TRIM33: variants seen among roughly 807,000 people sequenced by gnomAD.
TRIM33 encodes the protein E3 ubiquitin-protein ligase TRIM33.
Under a neutral mutation model 125.4 loss-of-function variants are expected in TRIM33, and 20 were observed. The observed-to-expected ratio is 0.16, with a 90% confidence interval of 0.11 to 0.23. The LOEUF (loss-of-function observed/expected upper bound fraction) is 0.23, where lower values mean the gene tolerates loss of function less well. Ranked by LOEUF, TRIM33 falls within the 10% of genes least tolerant of loss-of-function variation. The probability of loss-of-function intolerance (pLI) is 1.00; values close to 1 mark genes in which losing one functional copy is unlikely to be tolerated. For missense variants in TRIM33, 920 were observed against 1,411.4 expected, an observed-to-expected ratio of 0.65 and a Z score of 5.58; for synonymous variants, 564 against 513.9, an observed-to-expected ratio of 1.10 and a Z score of -1.32.
chr1:114,430,338 G>T (rs1055745190), intron 6 of TRIM33, among the ~76,000 whole-genome samples: 1 of 151,946 alleles, frequency 6.6e-6, no homozygotes, highest in Non-Finnish European at 1.5e-5. Flanking sequence ...TTGACCTCCC[G>T]GGCTCAGTCG....
intron 6 of TRIM33, 68 bp from the exon 7 acceptor site, chr1:114,427,962 C>A: frequency 6.6e-7 from 1 of 1,512,078 alleles, no homozygotes; most frequent in South Asian, 1.2e-5. Context: ...ATTTCTAATG[C>A]AAATGGGCAC....
intron 1 of TRIM33, among the ~76,000 whole-genome samples, chr1:114,481,078 A>T (rs557638418): frequency 3.3e-5 from 5 of 152,194 alleles, no homozygotes; most frequent in Admixed American, 6.5e-5. Flanking sequence ...AGGCTGAGAC[A>T]GGAGAATAGC....
At chr1:114,479,663 G>T (rs994615801) in intron 1 of TRIM33, among the ~76,000 whole-genome samples, 2 of 152,186 alleles carry the variant, frequency 1.3e-5, no homozygotes, top group Admixed American at 1.3e-4. Flanking sequence ...CTATATAAAT[G>T]TAACAATCAT....
intron 1 of TRIM33, among the ~76,000 whole-genome samples, chr1:114,470,603 TGAAAA>T (rs1452725909): frequency 2.0e-5 from 3 of 151,722 alleles, no homozygotes; most frequent in Non-Finnish European, 4.4e-5. Context: ...AGTGTCCAAC[TGAAAA>T]GAAGAATCGA....
At chr1:114,428,046 G>A in intron 6 of TRIM33, 152 bp from the exon 7 acceptor site, 1 of 759,696 alleles carries the variant, frequency 1.3e-6, no homozygotes, top group South Asian at 2.2e-5. Context: ...ATCATCAGAG[G>A]AAAAGCCACT....
chr1:114,447,061 T>C (rs1209209473), intron 4 of TRIM33, among the ~76,000 whole-genome samples: 1 of 152,166 alleles, frequency 6.6e-6, no homozygotes, highest in African/African-American at 2.4e-5. Flanking sequence ...AATGCGTGTA[T>C]AAGGTCTTTA....
chr1:114,454,201 T>G (rs1423354350), intron 4 of TRIM33, among the ~76,000 whole-genome samples: 6 of 152,166 alleles, frequency 3.9e-5, no homozygotes, highest in Admixed American at 3.9e-4. Context: ...AACAGGTGGT[T>G]TGCGAAGAGG....
At chr1:114,408,233 T>C (rs188320917) in intron 13 of TRIM33, among the ~76,000 whole-genome samples, 1 of 152,204 alleles carries the variant, frequency 6.6e-6, no homozygotes, top group Non-Finnish European at 1.5e-5. Flanking sequence ...TAACTGATAG[T>C]GATGTAAACA....
In TRIM33 at chr1:114,397,215, A is replaced by G; in HGVS notation, c.*433T>C. On this transcript the variant is annotated 3_prime_UTR_variant, in exon 20 of 20. Coordinates refer to ENST00000358465, the MANE Select transcript of TRIM33 (RefSeq NM_015906.4). ...AACAACCTGATATGTATGTGTGTGAAGGGGGAGGGTTAAAAGTTGTTTTAA... is the reference window on the plus strand; with the variant it reads ...AACAACCTGATATGTATGTGTGTGAGGGGGGAGGGTTAAAAGTTGTTTTAA... 1 of 243,084 alleles carries G rather than the reference A, an allele frequency of 4.1e-6. No homozygotes were observed. The highest frequency in any genetic ancestry group is 8.1e-6 in the Non-Finnish European group (1 of 123,112). The allele number at this position is 243,084 out of a possible 1,614,324, so 15.1% of individuals were successfully genotyped here.
chr1:114,486,359 A>G (rs1651686767), intron 1 of TRIM33, among the ~76,000 whole-genome samples: 1 of 152,022 alleles, frequency 6.6e-6, no homozygotes, highest in South Asian at 2.1e-4. Flanking sequence ...AATGGAAATT[A>G]TAGGATTAAA....
At chr1:114,459,373 G>C (rs1169012028) in intron 4 of TRIM33, among the ~76,000 whole-genome samples, 1 of 152,162 alleles carries the variant, frequency 6.6e-6, no homozygotes, top group Non-Finnish European at 1.5e-5. Context: ...CTGAACACGT[G>C]GAGGATAAGG....
intron 1 of TRIM33, among the ~76,000 whole-genome samples, chr1:114,465,668 T>G (rs1362784963): frequency 6.6e-6 from 1 of 152,070 alleles, no homozygotes; most frequent in African/African-American, 2.4e-5. Context: ...AATTAAAAAA[T>G]AACTACTGTT....
intron 12 of TRIM33, 50 bp from the exon 13 acceptor site, chr1:114,408,790 G>A (rs1652404730): frequency 8.1e-7 from 1 of 1,229,850 alleles, no homozygotes; most frequent in Non-Finnish European, 1.2e-6. Flanking sequence ...AGAATATTTG[G>A]AATTCTACCT....
intron 16 of TRIM33, 69 bp downstream of exon 16, chr1:114,402,691 A>T: frequency 6.5e-7 from 1 of 1,530,016 alleles, no homozygotes; most frequent in Non-Finnish European, 8.8e-7. Context: ...TACACAGGAA[A>T]AAAAAAGGTG....
At chr1:114,441,315 G>A (rs1006649294) in intron 4 of TRIM33, among the ~76,000 whole-genome samples, 1 of 152,154 alleles carries the variant, frequency 6.6e-6, no homozygotes. Flanking sequence ...AAAAAAGTAT[G>A]TAGTCATTAT....
At chr1:114,417,727 C>T (rs991690435) in intron 11 of TRIM33, among the ~76,000 whole-genome samples, 3 of 152,236 alleles carry the variant, frequency 2.0e-5, no homozygotes, top group Non-Finnish European at 2.9e-5. Context: ...GGCGCGATCT[C>T]GGCTCACTGG....
At chr1:114,462,586 T>C (rs2101377991) in intron 4 of TRIM33, among the ~76,000 whole-genome samples, 1 of 152,324 alleles carries the variant, frequency 6.6e-6, no homozygotes, top group South Asian at 2.1e-4. Context: ...ACCGTTCATA[T>C]GAAACACACT....
At chr1:114,419,588 C>T (rs1295593485) in intron 11 of TRIM33, among the ~76,000 whole-genome samples, 7 of 152,102 alleles carry the variant, frequency 4.6e-5, no homozygotes, top group Admixed American at 4.6e-4. Context: ...ATGGTCCAGT[C>T]CTCTCATCAC....
chr1:114,427,174 C>T lies in TRIM33; in HGVS notation c.1420+3G>A, dbSNP rs759009097. 1.4e-6 allele frequency: 2 copies of T among 1,431,032 alleles called. No homozygotes were observed. The highest frequency in any genetic ancestry group is 1.8e-5 in the Admixed American group (1 of 56,216). 88.6% of individuals were successfully genotyped at this position (1,431,032 alleles called of 1,614,324 possible). On this transcript the variant is annotated splice_donor_region_variant and intron_variant, in intron 8 of 19. Coordinates refer to ENST00000358465, the MANE Select transcript of TRIM33 (RefSeq NM_015906.4). ...TATATTCATAAAACTCATTATTTCT[C>T]ACCTAAATTGACTACATTCTTTGCC...
Sources: gnomAD v4.1 joint callset for allele counts (sites outside exome capture counted in the v4.1 genomes callset) on GRCh38, gnomAD v4.1.1 for gene constraint, MANE v1.5 for transcripts, NCBI Gene and HGNC (gene_info 2026-07-23, HGNC 2026-07-21) for gene names.